The following ATP6V1C1 variants were observed in gnomAD, a reference collection of about 807,000 sequenced individuals.
ATP6V1C1 encodes the protein V-type proton ATPase subunit C 1.
A neutral mutation model predicts 53.9 loss-of-function variants in ATP6V1C1; 45 were observed. The observed-to-expected ratio is 0.83, with a 90% confidence interval of 0.66 to 1.07. ATP6V1C1 has a LOEUF of 1.07. ATP6V1C1 is among the 50% of genes least tolerant of loss of function. The pLI is 0.00. For missense variants in ATP6V1C1, 315 were observed against 440.3 expected (o/e 0.72, Z 2.55); for synonymous variants, 153 against 155.2 (o/e 0.99, Z 0.11).
chr8:103,026,498 A>T (rs1377687714), intron 1 of ATP6V1C1, among the ~76,000 whole-genome samples: 3 of 152,196 alleles, frequency 2.0e-5, no homozygotes, highest in African/African-American at 7.2e-5. Flanking sequence ...AACACGGAAT[A>T]TTTAAGATTT....
At chr8:103,064,689 G>T in intron 10 of ATP6V1C1, 25 bp from the exon 11 acceptor site, 4 of 1,592,448 alleles carry the variant, frequency 2.5e-6, no homozygotes, top group Non-Finnish European at 3.4e-6. Flanking sequence ...GACCAAATTT[G>T]TGGTAATTTT....
At chr8:103,029,007 A>G (rs753976807) in intron 1 of ATP6V1C1, among the ~76,000 whole-genome samples, 101 of 152,284 alleles carry the variant, frequency 6.6e-4, no homozygotes, top group Non-Finnish European at 1.2e-3. Flanking sequence ...TTTACATGTA[A>G]TAATTTATTA....
chr8:103,045,851 G>T (rs1005362822), intron 3 of ATP6V1C1, among the ~76,000 whole-genome samples: 1 of 152,068 alleles, frequency 6.6e-6, no homozygotes, highest in Non-Finnish European at 1.5e-5. Context: ...TGAGGCAGGA[G>T]AATGGTGTGA....
intron 1 of ATP6V1C1, among the ~76,000 whole-genome samples, chr8:103,036,555 G>C (rs1448009444): frequency 1.3e-5 from 2 of 152,238 alleles, no homozygotes; most frequent in East Asian, 3.9e-4. Context: ...CTAAATTAGA[G>C]AACTTCTATC....
At chr8:103,023,302 G>GC (rs1816631542) in intron 1 of ATP6V1C1, among the ~76,000 whole-genome samples, 2 of 146,934 alleles carry the variant, frequency 1.4e-5, no homozygotes, top group South Asian at 4.2e-4. Flanking sequence ...TTTTTTGGTG[G>GC]GGGGGAGATA....
At chr8:103,056,194 T>A (rs967864498) in intron 8 of ATP6V1C1, among the ~76,000 whole-genome samples, 2 of 152,184 alleles carry the variant, frequency 1.3e-5, no homozygotes, top group Non-Finnish European at 2.9e-5. Context: ...ATCTCATTTG[T>A]GGCAGGGCTA....
At chr8:103,053,133 C>T (rs897311080) in intron 6 of ATP6V1C1, among the ~76,000 whole-genome samples, 5 of 152,034 alleles carry the variant, frequency 3.3e-5, no homozygotes, top group Admixed American at 6.6e-5. Context: ...TAAATGAAAT[C>T]ATAGTTTAAC....
Position 103,063,045 on chromosome 8 carries a change from CAAGT to C in ATP6V1C1, c.734+2_734+5del. 15 of 1,613,360 alleles carry C rather than the reference CAAGT, an allele frequency of 9.3e-6. No individual in the cohort carries two copies. The highest frequency in any genetic ancestry group is 1.3e-5 in the Non-Finnish European group (15 of 1,179,676). On this transcript the variant is annotated splice_donor_variant and coding_sequence_variant, in exon 9 of 13. Transcript: ENST00000518738. LOFTEE classifies it high-confidence loss of function. ...ACTTCAGACACAAAGCCAGAGAAAA[CAAGT>C]AAGATTATTGTTTTTTTGTTTATTT...
intron 1 of ATP6V1C1, among the ~76,000 whole-genome samples, chr8:103,036,557 ACTT>A (rs1351953718): frequency 2.6e-5 from 4 of 152,184 alleles, no homozygotes; most frequent in African/African-American, 9.7e-5. Flanking sequence ...AAATTAGAGA[ACTT>A]CTATCATATT....
intron 10 of ATP6V1C1, among the ~76,000 whole-genome samples, chr8:103,064,201 A>C (rs865997880): frequency 2.0e-5 from 3 of 152,174 alleles, no homozygotes; most frequent in Non-Finnish European, 2.9e-5. Flanking sequence ...TACAATTTAG[A>C]ATGTAAAGAG....
intron 5 of ATP6V1C1, among the ~76,000 whole-genome samples, chr8:103,051,602 T>G (rs146964507): frequency 1.2e-3 from 186 of 152,216 alleles, no homozygotes; most frequent in African/African-American, 4.3e-3. Context: ...CTGGAAAAAT[T>G]CCCGTATTCG....
intron 1 of ATP6V1C1, among the ~76,000 whole-genome samples, chr8:103,035,462 A>G (rs775751296): frequency 4.6e-5 from 7 of 152,228 alleles, no homozygotes; most frequent in Non-Finnish European, 7.3e-5. Flanking sequence ...TTTCTCAGTA[A>G]GGTGGAGAGG....
At position 103,053,969 on chromosome 8, in the gene ATP6V1C1, G is replaced by A; in HGVS notation, c.559G>A (p.Val187Ile). The stretch of plus-strand genomic sequence containing the variant: ...TTCAGAGTATCTCGTCACATTACTG[G>A]TAGTAGTTCCCAAGTAAGTCTTTCT... ...LDSEYLVTLL[V>I]VVPKLNHNDW... Residue 187 changes from valine to isoleucine, a missense_variant, in exon 7 of 13, where the codon GTA becomes ATA. Val to Ile is a conservative substitution (Grantham distance 29). Transcript: ENST00000518738. The A allele has an allele frequency of 1.2e-6, 2 of 1,606,390 alleles. No homozygotes were observed. The highest frequency in any genetic ancestry group is 2.2e-5 in the East Asian group (1 of 44,608).
At chr8:103,068,079 AAGT>A (rs1424666438) in intron 12 of ATP6V1C1, among the ~76,000 whole-genome samples, 3 of 152,200 alleles carry the variant, frequency 2.0e-5, no homozygotes, top group Non-Finnish European at 4.4e-5. Flanking sequence ...CTCTATGCTC[AAGT>A]GATCCTCCCA....
intron 4 of ATP6V1C1, among the ~76,000 whole-genome samples, chr8:103,049,865 G>A (rs540824332): frequency 6.6e-6 from 1 of 152,262 alleles, no homozygotes; most frequent in South Asian, 2.1e-4. Flanking sequence ...GCTGAGGAGG[G>A]GGGATTGCTT....
chr8:103,051,740 A>G (rs1563606694), intron 5 of ATP6V1C1, among the ~76,000 whole-genome samples: 1 of 152,108 alleles, frequency 6.6e-6, no homozygotes, highest in African/African-American at 2.4e-5. Flanking sequence ...CTAGAACTTG[A>G]GAGGAAAAAA....
At chr8:103,033,427 C>T (rs770169625) in intron 1 of ATP6V1C1, among the ~76,000 whole-genome samples, 4 of 152,180 alleles carry the variant, frequency 2.6e-5, no homozygotes, top group Non-Finnish European at 5.9e-5. Flanking sequence ...ATTTAATCCT[C>T]ACAGTAATTT....
chr8:103,061,586 CT>C (rs1817396246), intron 8 of ATP6V1C1, among the ~76,000 whole-genome samples: 1 of 152,078 alleles, frequency 6.6e-6, no homozygotes, highest in Non-Finnish European at 1.5e-5. Context: ...CACAAGGACC[CT>C]TTTGGTAGTG....
chr8:103,062,176 TTTTTTTTTTTTTTTG>T, intron 8 of ATP6V1C1, among the ~76,000 whole-genome samples: 2 of 134,538 alleles, frequency 1.5e-5, no homozygotes, highest in African/African-American at 5.7e-5. Context: ...TTTTTTTTTT[TTTTTTTTTTTTTTTG>T]ACAGGGACTC....
Sources: gnomAD v4.1 joint callset for allele counts (sites outside exome capture counted in the v4.1 genomes callset) on GRCh38, gnomAD v4.1.1 for gene constraint, MANE v1.5 for transcripts, NCBI Gene and HGNC (gene_info 2026-07-23, HGNC 2026-07-21) for gene names.